The following COG6 variants were observed in gnomAD, a reference collection of about 807,000 sequenced individuals.
COG6 encodes component of oligomeric golgi complex 6.
A neutral mutation model predicts 88.8 loss-of-function variants in COG6; 74 were observed. The observed-to-expected ratio is 0.83, with a 90% CI of 0.69 to 1.01. The LOEUF (loss-of-function observed/expected upper bound fraction) is 1.01. COG6 is among the 50% of genes least tolerant of loss of function. The pLI, the probability that COG6 is intolerant of heterozygous loss-of-function variation, is 0.00. For synonymous variants in COG6, 286 were observed against 278.7 expected (o/e 1.03, Z -0.26); for missense variants, 800 against 797.9 (o/e 1.00, Z -0.03).
At chr13:39,670,793 G>T (rs74044140) in intron 4 of COG6, among the ~76,000 whole-genome samples, 1 of 151,796 alleles carries the variant, frequency 6.6e-6, no homozygotes, top group East Asian at 1.9e-4. Context: ...TACTTTCTCA[G>T]CCTTTCCCTT....
chr13:39,702,442 A>G (rs1040322673), intron 13 of COG6, among the ~76,000 whole-genome samples: 1 of 152,074 alleles, frequency 6.6e-6, no homozygotes, highest in Non-Finnish European at 1.5e-5. Context: ...TATTACATGA[A>G]TATAAGAATG....
chr13:39,680,356 C>G lies in COG6; in HGVS notation c.694+311C>G, dbSNP rs573653840. 2.0e-5 allele frequency among the ~76,000 whole-genome samples: 3 copies of G among 152,294 alleles called. No homozygotes were observed. The South Asian group carries it at 6.2e-4, about 32-fold the overall frequency. On this transcript the variant is annotated intron_variant, in intron 7 of 18. Transcript: ENST00000455146. ...AAGTGTGAGAATAAAACAATGAAGA[C>G]AGTTTCTGCCCTAGATTATTTTAAA...
intron 18 of COG6, among the ~76,000 whole-genome samples, chr13:39,784,298 T>C (rs1486721672): frequency 6.6e-6 from 1 of 152,192 alleles, no homozygotes; most frequent in African/African-American, 2.4e-5. Context: ...GGTAATGGCA[T>C]GGCCTAGAAT....
rs563957525 is a variant in COG6, at chr13:39,760,795, C to G, written c.1827-27540C>G. On this transcript the variant is annotated intron_variant, in intron 18 of 18. Transcript: ENST00000416691. ...GATAATGGTGGGGGAAGGCTAGTACCATCTCTGTCATACATCAAATTCCCA... is the reference window on the plus strand; with the variant it reads ...GATAATGGTGGGGGAAGGCTAGTACGATCTCTGTCATACATCAAATTCCCA... Among the ~76,000 whole-genome samples, 20 of 152,102 alleles carry G rather than the reference C, an allele frequency of 1.3e-4. No individual in the cohort carries two copies. In the South Asian group the frequency reaches 2.9e-3, roughly 22 times the overall value.
intron 18 of COG6, among the ~76,000 whole-genome samples, chr13:39,765,970 A>T (rs1881151368): frequency 6.6e-6 from 1 of 152,216 alleles, no homozygotes; most frequent in Non-Finnish European, 1.5e-5. Context: ...GTTCTGTTAC[A>T]GGATTTAGCA....
chr13:39,728,155 G>C (rs557694392), intron 18 of COG6, among the ~76,000 whole-genome samples: 8 of 152,172 alleles, frequency 5.3e-5, no homozygotes, highest in Admixed American at 3.3e-4. Flanking sequence ...TCAAACAGCA[G>C]TGCAGTAAGT....
At chr13:39,719,974 C>T (rs1878762018) in intron 15 of COG6, 147 bp downstream of exon 15, 1 of 619,424 alleles carries the variant, frequency 1.6e-6, no homozygotes, top group Non-Finnish European at 2.9e-6. Context: ...CATGCATATA[C>T]ACAACACACG....
At chr13:39,766,987 T>C (rs750607192) in intron 18 of COG6, among the ~76,000 whole-genome samples, 2 of 152,148 alleles carry the variant, frequency 1.3e-5, no homozygotes, top group Non-Finnish European at 2.9e-5. Context: ...GAAGTTAAGC[T>C]CTCTAATGTT....
At chr13:39,765,947 G>T (rs1881150533) in intron 18 of COG6, among the ~76,000 whole-genome samples, 1 of 152,224 alleles carries the variant, frequency 6.6e-6, no homozygotes, top group Admixed American at 6.5e-5. Flanking sequence ...AATGCCAAGT[G>T]CCTGTAGGGA....
At chr13:39,680,454 G>A (rs74821557) in intron 7 of COG6, among the ~76,000 whole-genome samples, 9,361 of 152,226 alleles carry the variant, frequency 0.061, 387 homozygotes, top group Non-Finnish European at 0.095. Flanking sequence ...TGCTGTTGCT[G>A]TAACAAATTA....
chr13:39,779,517 GA>G (rs1410798611), intron 18 of COG6, among the ~76,000 whole-genome samples: 1 of 152,198 alleles, frequency 6.6e-6, no homozygotes, highest in Non-Finnish European at 1.5e-5. Flanking sequence ...CTCATCAGAG[GA>G]AGTGGTCTGG....
chr13:39,705,582 A>G (rs1877847426), intron 13 of COG6, among the ~76,000 whole-genome samples: 1 of 152,212 alleles, frequency 6.6e-6, no homozygotes, highest in African/African-American at 2.4e-5. Context: ...TTGCAAGGAT[A>G]TAGCCTGTCT....
intron 18 of COG6, among the ~76,000 whole-genome samples, chr13:39,761,838 C>A (rs1881025490): frequency 1.3e-5 from 2 of 150,452 alleles, no homozygotes; most frequent in South Asian, 4.2e-4. Context: ...GAGATATTAT[C>A]TCATTTTGGC....
chr13:39,667,959 A>AT (rs1470711035), intron 4 of COG6, among the ~76,000 whole-genome samples: 4 of 152,276 alleles, frequency 2.6e-5, no homozygotes, highest in Middle Eastern at 6.8e-3. Context: ...TTTTGACTTA[A>AT]CGATAAGCAA....
downstream of COG6, among the ~76,000 whole-genome samples, chr13:39,753,208 T>G (rs1314330603): frequency 6.6e-6 from 1 of 152,132 alleles, no homozygotes; most frequent in Non-Finnish European, 1.5e-5. Context: ...GAAGTCCTCA[T>G]TAATGGAATT....
intron 13 of COG6, among the ~76,000 whole-genome samples, chr13:39,702,080 T>A (rs567043949): frequency 6.6e-6 from 1 of 152,010 alleles, no homozygotes; most frequent in Non-Finnish European, 1.5e-5. Context: ...TTTGTGCTAA[T>A]CATCTGAAAA....
At chr13:39,695,047 G>A (rs1183213743) in intron 12 of COG6, among the ~76,000 whole-genome samples, 2 of 149,660 alleles carry the variant, frequency 1.3e-5, no homozygotes, top group South Asian at 2.1e-4. Context: ...TTCCTGCATT[G>A]GTAAAAGACA....
chr13:39,722,837 C>T (rs1878920271), intron 15 of COG6, among the ~76,000 whole-genome samples: 1 of 152,030 alleles, frequency 6.6e-6, no homozygotes. Flanking sequence ...GGGCCCTCAG[C>T]TCTTCCCTAC....
intron 4 of COG6, among the ~76,000 whole-genome samples, chr13:39,666,392 T>A (rs189175545): frequency 6.6e-6 from 1 of 152,122 alleles, no homozygotes; most frequent in East Asian, 1.9e-4. Context: ...CAGAAGGAGA[T>A]CCTGTCTCTA....
Sources: gnomAD v4.1 joint callset for allele counts (sites outside exome capture counted in the v4.1 genomes callset) on GRCh38, gnomAD v4.1.1 for gene constraint, MANE v1.5 for transcripts, NCBI Gene and HGNC (gene_info 2026-07-23, HGNC 2026-07-21) for gene names.